The following GIT2 variants were observed in gnomAD, a reference collection of about 807,000 sequenced individuals.
GIT2 encodes ARF GTPase-activating protein GIT2.
A neutral mutation model predicts 100.3 loss-of-function variants in GIT2; 32 were observed. The observed-to-expected ratio is 0.32, with a 90% CI of 0.24 to 0.43. The LOEUF is 0.43. GIT2 is among the 20% of genes least tolerant of loss of function. The pLI is 1.00. For missense variants in GIT2, 737 were observed against 975.1 expected (o/e 0.76, Z 3.25); for synonymous variants, 353 against 364.1 (o/e 0.97, Z 0.35).
intron 3 of GIT2, 118 bp from the exon 4 acceptor site, chr12:109,989,186 A>T (rs1593156456): frequency 2.8e-6 from 2 of 702,146 alleles, no homozygotes; most frequent in East Asian, 5.0e-5. Flanking sequence ...TAAAATGAAC[A>T]ATGCTCAAGT....
intron 15 of GIT2, among the ~76,000 whole-genome samples, chr12:109,946,493 T>A (rs553006601): frequency 6.6e-6 from 1 of 152,332 alleles, no homozygotes; most frequent in South Asian, 2.1e-4. Context: ...CACATATTTT[T>A]ATAATAAAGT....
In GIT2 at chr12:109,965,506, C is replaced by A; in HGVS notation, c.816+20G>T. The A allele has an allele frequency of 2.0e-6, 3 of 1,484,926 alleles. No homozygotes were observed. The highest frequency in any genetic ancestry group is 1.4e-5 in the African/African-American group (1 of 72,288). The allele number at this position is 1,484,926 out of a possible 1,614,324, so 92.0% of individuals were successfully genotyped here. On this transcript the variant is annotated intron_variant, in intron 9 of 19. Transcript: ENST00000355312. ...CACTGATTCTCATACTAGAGAAAAC[C>A]AGTACAGAGAAATACTCACAGATTG...
intron 9 of GIT2, among the ~76,000 whole-genome samples, 165 bp downstream of exon 9, chr12:109,965,361 C>G (rs1474060163): frequency 2.0e-5 from 3 of 152,188 alleles, no homozygotes; most frequent in African/African-American, 7.2e-5. Flanking sequence ...ACTTAATAGT[C>G]CTTGTGGTCA....
chr12:109,936,332 G>GAA lies in GIT2; in HGVS notation c.2003+2046_2003+2047dup, dbSNP rs61638088. ...GATTTGTAAATTTTAAACAAAGAAA[G>GAA]AAAAAAAAAAGAAATTTCCCAAATT... On this transcript the variant is annotated intron_variant, in intron 18 of 19. Transcript: ENST00000355312. Among the ~76,000 whole-genome samples the GAA allele has an allele frequency of 5.9e-4, 85 of 144,554 alleles. 1 individual carries two copies. In the East Asian group the frequency reaches 0.012, roughly 20 times the overall value. 94.8% of individuals were successfully genotyped at this position (144,554 alleles called of 152,430 possible).
At chr12:109,988,770 T>C (rs1416643559) in intron 4 of GIT2, among the ~76,000 whole-genome samples, 193 bp downstream of exon 4, 1 of 141,262 alleles carries the variant, frequency 7.1e-6, no homozygotes, top group Non-Finnish European at 1.5e-5. Context: ...GGAGAATCGC[T>C]GGAACCCGGG....
At chr12:109,937,970 C>T (rs1451139871) in intron 18 of GIT2, among the ~76,000 whole-genome samples, 2 of 152,040 alleles carry the variant, frequency 1.3e-5, no homozygotes, top group African/African-American at 2.4e-5. Context: ...CCCAAAGTGC[C>T]GGGATTACAG....
rs1007331907 is a variant in GIT2 at position 109,930,040 on chromosome 12, T to C, written c.*2938A>G. ...CAAGGAAAGAAAGAAAACTATACTA[T>C]TGGAAAGCTCATGGGTGCCATTGAG... On this transcript the variant is annotated 3_prime_UTR_variant, in exon 20 of 20. Transcript: ENST00000355312. 2 of 152,606 alleles carry C rather than the reference T, an allele frequency of 1.3e-5. No individual in the cohort carries two copies. The highest frequency in any genetic ancestry group is 2.9e-5 in the Non-Finnish European group (2 of 68,046). The allele number at this position is 152,606 out of a possible 1,614,324, so 9.5% of individuals were successfully genotyped here.
upstream of GIT2, chr12:109,999,680 C>T (rs1259029685): frequency 6.5e-7 from 1 of 1,531,166 alleles, no homozygotes. This position sits in a 1 kb window ranked among gnomAD's most constrained non-coding sequence, Gnocchi z 4.3. Flanking sequence ...AGGTTACGGC[C>T]TCCTCGCCAT....
rs1887414550 is a variant in GIT2, at chr12:109,986,535, T to C, written c.405+2428A>G. Among the ~76,000 whole-genome samples the C allele has an allele frequency of 2.6e-5, 4 of 151,266 alleles. No individual in the cohort carries two copies. In the South Asian group the frequency reaches 8.4e-4, roughly 32 times the overall value. On this transcript the variant is annotated intron_variant, in intron 4 of 19. Transcript: ENST00000355312. Reference sequence around the variant, plus strand: ...ATCCCAGCACTTTGGGAGGCCGAGGTGGGCGGATCACGAGGTCAGGAAATC... The same window carrying C: ...ATCCCAGCACTTTGGGAGGCCGAGGCGGGCGGATCACGAGGTCAGGAAATC...
intron 4 of GIT2, among the ~76,000 whole-genome samples, chr12:109,987,297 T>C (rs548505020): frequency 6.6e-6 from 1 of 151,754 alleles, no homozygotes; most frequent in Non-Finnish European, 1.5e-5. Context: ...GGCAGGAGAA[T>C]GGCATGAACC....
At chr12:109,965,812 T>C (rs1423456457) in intron 8 of GIT2, 4 of 659,042 alleles carry the variant, frequency 6.1e-6, no homozygotes, top group East Asian at 6.1e-5. Context: ...AAAAAAATCG[T>C]CCACCAACTA....
intron 7 of GIT2, among the ~76,000 whole-genome samples, chr12:109,971,804 C>T (rs1381786710): frequency 6.6e-6 from 1 of 151,620 alleles, no homozygotes; most frequent in Admixed American, 6.6e-5. Flanking sequence ...AGCAGCCTGG[C>T]CAACATGGCG....
chr12:109,989,154 A>G, intron 3 of GIT2, 86 bp from the exon 4 acceptor site: 1 of 822,156 alleles, frequency 1.2e-6, no homozygotes, highest in Non-Finnish European at 2.1e-6. Context: ...AGAGGAAGTG[A>G]CCCACATCCC....
In GIT2 at chr12:109,971,930, G is replaced by C. The variant is rs565112219; in HGVS notation, c.719-4427C>G. On this transcript the variant is annotated intron_variant, in intron 7 of 19. Transcript: ENST00000355312. ...AATTGCTTGAACCCGGGAGGCGGAGGTTGCAGTGAGCCGAGATCACACCAC... is the reference window on the plus strand; with the variant it reads ...AATTGCTTGAACCCGGGAGGCGGAGCTTGCAGTGAGCCGAGATCACACCAC... Among the ~76,000 whole-genome samples the C allele has an allele frequency of 2.0e-5, 3 of 151,168 alleles. No homozygotes were observed. The South Asian group carries it at 6.3e-4, about 32-fold the overall frequency.
intron 4 of GIT2, among the ~76,000 whole-genome samples, chr12:109,984,425 A>C (rs1886945066): frequency 6.6e-6 from 1 of 151,700 alleles, no homozygotes; most frequent in Non-Finnish European, 1.5e-5. Flanking sequence ...AAAAATAAAA[A>C]ATAAAAAAAA....
chr12:109,947,529 A>T lies in GIT2; in HGVS notation c.1393-25T>A, dbSNP rs375880736. The T allele has an allele frequency of 1.1e-5, 17 of 1,602,442 alleles. No homozygotes were observed. The highest frequency in any genetic ancestry group is 1.0e-4 in the Admixed American group (6 of 58,174). ...GCTGAAAGAAATGTTTGGCAGTGGG[A>T]CTGTGTTTTTTTACAGCAAGCAGAA... On this transcript the variant is annotated intron_variant, in intron 14 of 19. Coordinates refer to ENST00000355312, the MANE Select transcript of GIT2 (RefSeq NM_057169.5). The surrounding 1 kb of genome is among the most constrained non-coding windows in gnomAD (Gnocchi z 4.3).
chr12:109,948,400 T>C lies in GIT2; in HGVS notation c.1393-896A>G. 1 of 998,946 alleles carries C rather than the reference T, an allele frequency of 1.0e-6. No homozygotes were observed. Among genetic ancestry groups the C allele is most frequent in the Non-Finnish European group, 1.2e-6 (1 of 839,014 alleles). The allele number at this position is 998,946 out of a possible 1,614,324, so 61.9% of individuals were successfully genotyped here. Reference sequence around the variant, plus strand: ...CCTGGCACCACCCCATTTTAGAGACTGTCACTTGGAGGCCCTGAATGCTCC... The same window carrying C: ...CCTGGCACCACCCCATTTTAGAGACCGTCACTTGGAGGCCCTGAATGCTCC... On this transcript the variant is annotated intron_variant, in intron 14 of 19. Coordinates refer to ENST00000355312, the MANE Select transcript of GIT2 (RefSeq NM_057169.5). This position sits in a 1 kb window ranked among gnomAD's most constrained non-coding sequence, Gnocchi z 4.3.
intron 16 of GIT2, among the ~76,000 whole-genome samples, chr12:109,940,745 T>G (rs1874407661): frequency 6.6e-6 from 1 of 151,884 alleles, no homozygotes; most frequent in South Asian, 2.1e-4. Context: ...CTGGGTGTGG[T>G]AGTGCACACC....
At chr12:109,999,833 C>A, upstream of GIT2, 1 of 1,464,986 alleles carries the variant, frequency 6.8e-7, no homozygotes, top group South Asian at 1.3e-5. This position sits in a 1 kb window ranked among gnomAD's most constrained non-coding sequence, Gnocchi z 4.3. Flanking sequence ...TTCGGGGAAT[C>A]GGGGGTCGTT....
Sources: allele counts gnomAD v4.1 joint callset (sites outside exome capture counted in the v4.1 genomes callset), GRCh38; gene constraint gnomAD v4.1.1; non-coding constraint Gnocchi (gnomAD v3.1); transcripts MANE v1.5; gene names NCBI Gene and HGNC (gene_info 2026-07-23, HGNC 2026-07-21).